The following OOSP1 variants were observed in gnomAD, a reference collection of about 807,000 sequenced individuals.
OOSP1 encodes the protein putative oocyte-secreted protein 1 homolog.
In OOSP1, 11 loss-of-function variants were observed where a neutral mutation model predicts 5.7. The observed-to-expected ratio is 1.94, with a 90% CI of 1.22 to 3.20. The LOEUF (loss-of-function observed/expected upper bound fraction) is 3.20. OOSP1 is among the 30% of genes most tolerant of loss of function. The pLI is 0.00. For missense variants in OOSP1, 83 were observed against 54.1 expected (o/e 1.53, Z -1.67); for synonymous variants, 44 against 20.0 (o/e 2.20, Z -3.20).
At chr11:59,954,349 A>C (rs2134575611) in intron 4 of OOSP1, among the ~76,000 whole-genome samples, 1 of 152,150 alleles carries the variant, frequency 6.6e-6, no homozygotes, top group East Asian at 1.9e-4. Context: ...GTAAACAAAT[A>C]AGCATGGCCA....
chr11:59,943,424 A>G (rs1176042017), intron 2 of OOSP1, among the ~76,000 whole-genome samples: 3 of 152,222 alleles, frequency 2.0e-5, no homozygotes, highest in African/African-American at 7.2e-5. Context: ...ACTAGAAGTC[A>G]TTAAGTGTCT....
intron 3 of OOSP1, among the ~76,000 whole-genome samples, chr11:59,946,065 A>G (rs1590891922): frequency 6.6e-6 from 1 of 152,158 alleles, no homozygotes; most frequent in East Asian, 1.9e-4. Context: ...CCCCTGAGCC[A>G]TGGACATGCA....
intron 1 of OOSP1, among the ~76,000 whole-genome samples, chr11:59,941,022 T>G (rs1268184838): frequency 6.6e-6 from 1 of 152,214 alleles, no homozygotes; most frequent in African/African-American, 2.4e-5. Context: ...GATGCCACTT[T>G]TAGAGCCACT....
At chr11:59,948,709 C>T (rs779429466) in intron 4 of OOSP1, 48 of 397,870 alleles carry the variant, frequency 1.2e-4, no homozygotes, top group Non-Finnish European at 1.9e-4. Flanking sequence ...TGGTAAGAAT[C>T]TGACTGCTAC....
intron 4 of OOSP1, among the ~76,000 whole-genome samples, chr11:59,950,572 G>A (rs549972209): frequency 2.6e-5 from 4 of 152,194 alleles, no homozygotes; most frequent in Non-Finnish European, 5.9e-5. Context: ...GGTCCTGGGA[G>A]CCGTGCAGGT....
In OOSP1 at chr11:59,943,049, T is replaced by G. The variant is rs751809122; in HGVS notation, c.258+21T>G. ...CTCAAGTAAGAAATGGCTATCTTAC[T>G]TAAAACCCAAGTGTCCAGGTGTGTG... On this transcript the variant is annotated intron_variant, in intron 2 of 4. Transcript: ENST00000646685. The G allele has an allele frequency of 6.8e-5, 48 of 701,914 alleles. 2 individuals carry two copies. In the South Asian group the frequency reaches 7.1e-4, roughly 10 times the overall value. 43.5% of individuals were successfully genotyped at this position (701,914 alleles called of 1,614,324 possible). A position where few individuals can be genotyped will look rare whatever the true frequency, so the allele number is the denominator to read the frequency against.
At chr11:59,949,488 T>A (rs1440635615) in intron 4 of OOSP1, among the ~76,000 whole-genome samples, 1 of 151,182 alleles carries the variant, frequency 6.6e-6, no homozygotes, top group East Asian at 1.9e-4. Context: ...ACTTAAAGTA[T>A]AATAATAATA....
chr11:59,945,088 A>C (rs560630027), intron 2 of OOSP1, 81 bp from the exon 3 acceptor site: 1 of 683,204 alleles, frequency 1.5e-6, no homozygotes. Context: ...TGATGTATCT[A>C]TAAATTCCTA....
At chr11:59,948,309 G>A (rs959893757) in intron 4 of OOSP1, among the ~76,000 whole-genome samples, 20 of 152,052 alleles carry the variant, frequency 1.3e-4, no homozygotes, top group African/African-American at 4.3e-4. Flanking sequence ...ATGACTGTAA[G>A]GTAGTACAGT....
intron 1 of OOSP1, among the ~76,000 whole-genome samples, chr11:59,940,655 A>G (rs1357603256): frequency 6.6e-6 from 1 of 152,184 alleles, no homozygotes; most frequent in African/African-American, 2.4e-5. Context: ...GTTACAAATA[A>G]TGTTTGTATT....
intron 4 of OOSP1, among the ~76,000 whole-genome samples, chr11:59,949,333 G>A (rs1853916278): frequency 6.6e-6 from 1 of 152,020 alleles, no homozygotes; most frequent in African/African-American, 2.4e-5. Context: ...AGAAGACAGG[G>A]AATACTTGGG....
intron 4 of OOSP1, chr11:59,948,939 T>A: frequency 2.5e-6 from 1 of 394,716 alleles, no homozygotes; most frequent in Non-Finnish European, 4.5e-6. Flanking sequence ...AAAAGCAGGC[T>A]GCCTTCCACT....
exon 2 of OOSP1, chr11:59,943,001 T>C (rs749926973): frequency 1.1e-5 from 8 of 702,820 alleles, no homozygotes; most frequent in Non-Finnish European, 1.8e-5. Context: ...TTTTCTACCA[T>C]CCTCATGACT....
intron 4 of OOSP1, chr11:59,948,793 C>T (rs1223588162): frequency 2.5e-6 from 1 of 397,962 alleles, no homozygotes; most frequent in Non-Finnish European, 4.4e-6. Context: ...TATTGAGAGG[C>T]AATTTGGAAT....
chr11:59,946,516 A>G (rs1460213991), intron 3 of OOSP1, among the ~76,000 whole-genome samples: 1 of 152,198 alleles, frequency 6.6e-6, no homozygotes, highest in African/African-American at 2.4e-5. Context: ...TATTCTTCAA[A>G]AGTTGTTACA....
chr11:59,952,713 C>G (rs1853952446), intron 4 of OOSP1, among the ~76,000 whole-genome samples: 1 of 152,086 alleles, frequency 6.6e-6, no homozygotes, highest in Non-Finnish European at 1.5e-5. Context: ...CCTGGGTGCA[C>G]TAAAATCTCA....
chr11:59,950,799 G>A (rs763173460), intron 4 of OOSP1, among the ~76,000 whole-genome samples: 22 of 151,990 alleles, frequency 1.4e-4, no homozygotes, highest in Non-Finnish European at 1.0e-4. Context: ...CTAGGAGTAC[G>A]GCTGTAAAGA....
intron 1 of OOSP1, among the ~76,000 whole-genome samples, chr11:59,939,206 C>T (rs1451135380): frequency 6.6e-6 from 1 of 150,546 alleles, no homozygotes; most frequent in Non-Finnish European, 1.5e-5. Context: ...TTCCCTCCTC[C>T]CTCCCTCTTT....
intron 1 of OOSP1, among the ~76,000 whole-genome samples, chr11:59,940,903 A>G (rs1853818025): frequency 6.6e-6 from 1 of 152,220 alleles, no homozygotes; most frequent in Non-Finnish European, 1.5e-5. Context: ...CAATTATACT[A>G]TTTATTCAGC....
Sources: allele counts gnomAD v4.1 joint callset (sites outside exome capture counted in the v4.1 genomes callset), GRCh38; gene constraint gnomAD v4.1.1; transcripts MANE v1.5; gene names NCBI Gene and HGNC (gene_info 2026-07-23, HGNC 2026-07-21).